The following WDR41 variants were observed in gnomAD, a reference collection of about 807,000 sequenced individuals.
The protein encoded by WDR41 is WD repeat domain 41.
Under a neutral mutation model 69.3 loss-of-function variants are expected in WDR41, and 63 were observed. The ratio of observed to expected loss-of-function variants is 0.91; its 90% CI spans 0.74 to 1.12. The LOEUF is 1.12. Among genes scored for constraint, WDR41 ranks in the 50% most tolerant of loss-of-function variants. The pLI, the probability that WDR41 is intolerant of heterozygous loss-of-function variation, is 0.00. For missense variants in WDR41, 543 were observed against 534.5 expected (o/e 1.02, Z -0.16); for synonymous variants, 185 against 192.1 (o/e 0.96, Z 0.31).
intron 1 of WDR41, among the ~76,000 whole-genome samples, chr5:77,597,380 A>C (rs959854152): frequency 6.6e-6 from 1 of 152,314 alleles, no homozygotes; most frequent in African/African-American, 2.4e-5. Context: ...AGCTTTCCTT[A>C]CAGTTTGACT....
At chr5:77,440,409 C>T (rs189154121) in intron 9 of WDR41, among the ~76,000 whole-genome samples, 66 of 152,284 alleles carry the variant, frequency 4.3e-4, no homozygotes, top group Admixed American at 2.1e-3. Context: ...CTCAATTTAT[C>T]TTGCCCCAAG....
intron 1 of WDR41, among the ~76,000 whole-genome samples, chr5:77,552,392 A>G (rs1561222532): frequency 6.6e-6 from 1 of 152,212 alleles, no homozygotes; most frequent in Non-Finnish European, 1.5e-5. Context: ...GTCAAAGAAG[A>G]CTTAAATAAA....
intron 1 of WDR41, among the ~76,000 whole-genome samples, chr5:77,555,361 G>C (rs974781029): frequency 6.6e-6 from 1 of 152,062 alleles, no homozygotes; most frequent in South Asian, 2.1e-4. Context: ...CAGGCTGAAG[G>C]GCAGTGGCAT....
intron 1 of WDR41, among the ~76,000 whole-genome samples, chr5:77,596,863 C>T (rs1259791067): frequency 6.6e-6 from 1 of 151,974 alleles, no homozygotes; most frequent in Admixed American, 6.6e-5. Context: ...GCTTGTAATC[C>T]TAGCACTTTG....
intron 1 of WDR41, among the ~76,000 whole-genome samples, chr5:77,531,976 ATAGT>A (rs1203947037): frequency 1.3e-5 from 2 of 152,004 alleles, no homozygotes; most frequent in East Asian, 3.8e-4. Context: ...TAACTGCATA[ATAGT>A]TATAGAGTTT....
chr5:77,616,897 C>T (rs531769574), intron 1 of WDR41, among the ~76,000 whole-genome samples: 1 of 152,278 alleles, frequency 6.6e-6, no homozygotes, highest in Non-Finnish European at 1.5e-5. Context: ...CTTCCCCATC[C>T]TATCCCATTA....
chr5:77,596,661 T>A (rs1445527054), intron 1 of WDR41, among the ~76,000 whole-genome samples: 1 of 152,100 alleles, frequency 6.6e-6, no homozygotes, highest in African/African-American at 2.4e-5. Context: ...CCTGCCTTCT[T>A]TTTCTACTGC....
At chr5:77,524,351 G>A (rs1405022336) in intron 1 of WDR41, among the ~76,000 whole-genome samples, 2 of 152,190 alleles carry the variant, frequency 1.3e-5, no homozygotes, top group African/African-American at 4.8e-5. Context: ...ACTTTGGGAG[G>A]CTGAGGCAGC....
At position 77,492,286 on chromosome 5, in the gene WDR41, C is replaced by T; in HGVS notation, c.-66G>A. ...GCCCAAACTCCGCCCCAGGCTCGGCCTCCTCCTTCCTCCCCGGCTGCAGCG... is the reference window on the plus strand; with the variant it reads ...GCCCAAACTCCGCCCCAGGCTCGGCTTCCTCCTTCCTCCCCGGCTGCAGCG... On this transcript the variant is annotated 5_prime_UTR_variant, in exon 1 of 13. Coordinates refer to ENST00000296679, the MANE Select transcript of WDR41 (RefSeq NM_018268.4). 6 of 1,595,074 alleles carry T rather than the reference C, an allele frequency of 3.8e-6. No individual in the cohort carries two copies. The highest frequency in any genetic ancestry group is 2.7e-5 in the African/African-American group (2 of 74,440).
chr5:77,610,105 G>T (rs1367319796), intron 1 of WDR41, among the ~76,000 whole-genome samples: 1 of 152,092 alleles, frequency 6.6e-6, no homozygotes, highest in Non-Finnish European at 1.5e-5. Flanking sequence ...GAAGTTTAGA[G>T]AAAAAAGAAT....
At chr5:77,464,853 A>T (rs1800235526) in intron 2 of WDR41, 44 bp from the exon 3 acceptor site, 1 of 1,583,542 alleles carries the variant, frequency 6.3e-7, no homozygotes, top group Admixed American at 1.7e-5. Context: ...CACTGGTGAC[A>T]TTTAATTACT....
At chr5:77,455,553 T>C (rs1290713053) in intron 5 of WDR41, among the ~76,000 whole-genome samples, 1 of 152,258 alleles carries the variant, frequency 6.6e-6, no homozygotes, top group African/African-American at 2.4e-5. Flanking sequence ...TGTACGCCTA[T>C]ATTTCTTCCA....
intron 1 of WDR41, among the ~76,000 whole-genome samples, chr5:77,538,037 C>A (rs1278293726): frequency 6.6e-6 from 1 of 151,932 alleles, no homozygotes; most frequent in Non-Finnish European, 1.5e-5. Context: ...TATCCACCAC[C>A]CAAATAATAT....
chr5:77,435,442 T>A (rs335623), intron 12 of WDR41, among the ~76,000 whole-genome samples: 71,448 of 152,050 alleles, frequency 0.47, 17,008 homozygotes, highest in Admixed American at 0.57. Flanking sequence ...CAAGGACTGT[T>A]TTCATCTCTC....
At position 77,438,241 on chromosome 5, in the gene WDR41, T is replaced by C. The variant is rs1481131323; in HGVS notation, c.1003A>G (p.Arg335Gly). 1 of 1,613,908 alleles carries C rather than the reference T, an allele frequency of 6.2e-7. No homozygotes were observed. The highest frequency in any genetic ancestry group is 1.7e-5 in the Admixed American group (1 of 60,016). ...NVLHVARLPN[R>G]QLISCSEDGS... ...TGCAGAACAGATGGGAACTTGTACC[T>C]GTTTGGAAGTCTGGCAACGTGCAGG... Residue 335 changes from arginine (R) to glycine (G), a missense_variant and splice_region_variant, in exon 10 of 13, where the codon AGG becomes GGG. By Grantham distance (125) the Arg-to-Gly change is moderately radical. Transcript: ENST00000296679.
chr5:77,532,888 C>T (rs529939664), intron 1 of WDR41, among the ~76,000 whole-genome samples: 100 of 152,040 alleles, frequency 6.6e-4, no homozygotes, highest in African/African-American at 2.0e-3. Flanking sequence ...GATTGGGAAA[C>T]GGGCCTTTCA....
At chr5:77,467,892 AT>A (rs1367511322) in intron 2 of WDR41, among the ~76,000 whole-genome samples, 1 of 151,928 alleles carries the variant, frequency 6.6e-6, no homozygotes, top group African/African-American at 2.4e-5. Context: ...AAATTTCTAT[AT>A]TTTTTCATAT....
chr5:77,435,243 C>G (rs1249613727), intron 12 of WDR41, among the ~76,000 whole-genome samples: 1 of 152,198 alleles, frequency 6.6e-6, no homozygotes, highest in East Asian at 1.9e-4. Flanking sequence ...AGGCTATATA[C>G]TCATCCTACT....
At chr5:77,573,953 T>C (rs1483175868) in intron 1 of WDR41, among the ~76,000 whole-genome samples, 1 of 152,118 alleles carries the variant, frequency 6.6e-6, no homozygotes, top group African/African-American at 2.4e-5. Context: ...TCCTCCCCAC[T>C]TTTCCCCATC....
Sources: gnomAD v4.1 joint callset for allele counts (sites outside exome capture counted in the v4.1 genomes callset) on GRCh38, gnomAD v4.1.1 for gene constraint, MANE v1.5 for transcripts, NCBI Gene and HGNC (gene_info 2026-07-23, HGNC 2026-07-21) for gene names.